The following PDK1 variants were observed in gnomAD, a reference collection of about 807,000 sequenced individuals.
The protein encoded by PDK1 is [Pyruvate dehydrogenase (acetyl-transferring)] kinase isozyme 1, mitochondrial.
A neutral mutation model predicts 54.2 loss-of-function variants in PDK1; 39 were observed. The ratio of observed to expected loss-of-function variants is 0.72; its 90% CI spans 0.56 to 0.94. The LOEUF is 0.94. Ranked by LOEUF, PDK1 falls within the 40% of genes least tolerant of loss-of-function variation. PDK1 has a pLI of 0.00. For synonymous variants in PDK1, 221 were observed against 207.1 expected (o/e 1.07, Z -0.58); for missense variants, 552 against 566.0 (o/e 0.98, Z 0.25).
At chr2:172,692,454 C>T in the PDK1 span, among the ~76,000 whole-genome samples, 1 of 152,322 alleles carries the variant, frequency 6.6e-6, no homozygotes, top group East Asian at 1.9e-4. Context: ...GAATCACACT[C>T]CTTAAGTGTA....
rs1690227115 is a variant in PDK1, at chr2:172,586,352, A to G, written c.1020A>G (p.Pro340=). The change falls in exon 9 of 11, where the codon CCA becomes CCG. Residue 340 remains proline, a synonymous_variant. Coordinates refer to ENST00000282077, the MANE Select transcript of PDK1 (RefSeq NM_002610.5). ...TCAACTACATGTATTCAACTGCACC[A>G]AGACCTCGTGTTGAGACCTCCCGCG... ...RLFNYMYSTA[P]RPRVETSRAV... 1.9e-6 allele frequency: 3 copies of G among 1,612,460 alleles called. No homozygotes were observed. The highest frequency in any genetic ancestry group is 1.3e-5 in the African/African-American group (1 of 74,832).
rs978433004 is a variant in PDK1, at chr2:172,606,604, T to G, written c.*10635T>G. The G allele has an allele frequency of 2.6e-5, 4 of 152,196 alleles. No individual in the cohort carries two copies. The highest frequency in any genetic ancestry group is 9.7e-5 in the African/African-American group (4 of 41,448). 9.4% of individuals were successfully genotyped at this position (152,196 alleles called of 1,614,324 possible). On this transcript the variant is annotated 3_prime_UTR_variant, in exon 11 of 11. Transcript: ENST00000282077. ...GCTTTCAGAGGACCTTTCATGGTTG[T>G]CAGGTTAAGTTCCTGATACAGAAGT...
At chr2:172,668,894 C>CACACATATAT in the PDK1 span, among the ~76,000 whole-genome samples, 2 of 113,192 alleles carry the variant, frequency 1.8e-5, no homozygotes, top group Admixed American at 2.0e-4. Context: ...CACACACACA[C>CACACATATAT]ATATATATAT....
intron 4 of PDK1, 38 bp downstream of exon 4, chr2:172,564,725 G>A: frequency 6.6e-7 from 1 of 1,510,510 alleles, no homozygotes; most frequent in Non-Finnish European, 9.1e-7. Flanking sequence ...GAAGCTAAAT[G>A]AGATGTGTTG....
At chr2:172,700,441 C>T in the PDK1 span, among the ~76,000 whole-genome samples, 3 of 149,672 alleles carry the variant, frequency 2.0e-5, no homozygotes, top group African/African-American at 5.0e-5. Context: ...ACATCCCAGA[C>T]GATGGGCGGC....
At chr2:172,703,884 T>C in the PDK1 span, among the ~76,000 whole-genome samples, 1 of 149,968 alleles carries the variant, frequency 6.7e-6, no homozygotes, top group Non-Finnish European at 1.5e-5. Context: ...GTGATTCTCC[T>C]GCCTCATCCT....
the PDK1 span, among the ~76,000 whole-genome samples, chr2:172,668,906 T>TATATATATAG: frequency 3.1e-5 from 4 of 130,650 alleles, no homozygotes; most frequent in African/African-American, 1.1e-4. Context: ...TATATATATA[T>TATATATATAG]AGAGAGAGAG....
the PDK1 span, among the ~76,000 whole-genome samples, chr2:172,709,310 T>C: frequency 6.6e-6 from 1 of 152,296 alleles, no homozygotes; most frequent in African/African-American, 2.4e-5. Flanking sequence ...TTTCAAAAAC[T>C]CAAACATCTT....
At chr2:172,626,874 G>A in the PDK1 span, among the ~76,000 whole-genome samples, 3 of 152,122 alleles carry the variant, frequency 2.0e-5, no homozygotes, top group Non-Finnish European at 4.4e-5. Context: ...TTGTTGAAAT[G>A]TCTTATAGAA....
intron 4 of PDK1, 136 bp downstream of exon 4, chr2:172,564,823 C>T (rs1258511846): frequency 3.5e-6 from 3 of 857,214 alleles, no homozygotes; most frequent in Admixed American, 5.3e-5. Context: ...AAATAGACTG[C>T]CATCAAGAAA....
At chr2:172,614,333 G>A in the PDK1 span, among the ~76,000 whole-genome samples, 962 of 152,344 alleles carry the variant, frequency 6.3e-3, 4 homozygotes, top group Middle Eastern at 0.014. Flanking sequence ...TCCAACAGGA[G>A]TGGGGACTCA....
intron 8 of PDK1, among the ~76,000 whole-genome samples, chr2:172,580,105 C>T (rs1379710222): frequency 6.6e-6 from 1 of 151,734 alleles, no homozygotes; most frequent in Non-Finnish European, 1.5e-5. Context: ...TGCCTCTGTA[C>T]CCTGCATTGT....
the PDK1 span, among the ~76,000 whole-genome samples, chr2:172,708,868 T>A: frequency 3.4e-3 from 513 of 152,312 alleles, 8 homozygotes; most frequent in Admixed American, 0.029. Flanking sequence ...TCGCATGAGG[T>A]CAGGTATGGA....
rs765005051 is a variant in PDK1 at position 172,571,823 on chromosome 2, C to CGTTTTTTTTTT, written c.945+999_945+1000insGTTTTTTTTTT. 6.6e-4 allele frequency among the ~76,000 whole-genome samples: 66 copies of CGTTTTTTTTTT among 99,792 alleles called. 7 individuals are homozygous for CGTTTTTTTTTT. Among genetic ancestry groups the CGTTTTTTTTTT allele is most frequent in the South Asian group, 1.5e-3 (4 of 2,752 alleles). The allele number at this position is 99,792 out of a possible 152,430, so 65.5% of individuals were successfully genotyped here. Reference sequence around the variant, plus strand: ...CTCAGAGATTCTTAGTCTTTCTTTACTTTTTTTTTTTTTTTTTTTTTTTTT... The same window carrying CGTTTTTTTTTT: ...CTCAGAGATTCTTAGTCTTTCTTTACGTTTTTTTTTTTTTTTTTTTTTTTTTTTTTTTTTTT... On this transcript the variant is annotated intron_variant, in intron 8 of 10. Transcript: ENST00000282077.
chr2:172,647,729 T>C, the PDK1 span, among the ~76,000 whole-genome samples: 1 of 152,172 alleles, frequency 6.6e-6, no homozygotes, highest in Non-Finnish European at 1.5e-5. Context: ...GCAGGCAAGA[T>C]CCATTGATGG....
chr2:172,563,566 G>C (rs1431113558), intron 3 of PDK1, among the ~76,000 whole-genome samples: 6 of 152,226 alleles, frequency 3.9e-5, no homozygotes, highest in African/African-American at 1.4e-4. Flanking sequence ...GGGCACGGTG[G>C]CTCACGCCTG....
the PDK1 span, among the ~76,000 whole-genome samples, chr2:172,702,047 G>A: frequency 0.041 from 6,217 of 152,178 alleles, 419 homozygotes; most frequent in African/African-American, 0.14. Flanking sequence ...TGTGCTTAAG[G>A]TCAAGGACTA....
the PDK1 span, among the ~76,000 whole-genome samples, chr2:172,621,216 G>A: frequency 6.6e-6 from 1 of 152,200 alleles, no homozygotes; most frequent in Non-Finnish European, 1.5e-5. Flanking sequence ...CTGTGAGAGG[G>A]TGTTGCCAAA....
the PDK1 span, among the ~76,000 whole-genome samples, chr2:172,666,218 C>T: frequency 0.045 from 6,851 of 152,290 alleles, 198 homozygotes; most frequent in African/African-American, 0.072. Context: ...CACTAACCTA[C>T]TACACATGCT....
Sources: allele counts gnomAD v4.1 joint callset (sites outside exome capture counted in the v4.1 genomes callset), GRCh38; gene constraint gnomAD v4.1.1; transcripts MANE v1.5; gene names NCBI Gene and HGNC (gene_info 2026-07-23, HGNC 2026-07-21).